Variants in DRAM2 observed in about 807,000 individuals in gnomAD.
DRAM2 encodes the protein DNA damage regulated autophagy modulator 2, also known as DNA damage-regulated autophagy modulator protein 2.
Under a neutral mutation model 33.5 loss-of-function variants are expected in DRAM2, and 26 were observed. The ratio of observed to expected loss-of-function variants is 0.78; its 90% CI spans 0.57 to 1.08. The LOEUF (loss-of-function observed/expected upper bound fraction) is 1.08. Among genes scored for constraint, DRAM2 ranks in the 50% least tolerant of loss-of-function variants. The probability of loss-of-function intolerance (pLI) is 0.00; values close to 1 mark genes in which losing one functional copy is unlikely to be tolerated. For missense variants in DRAM2, 311 were observed against 318.1 expected (o/e 0.98, Z 0.17); for synonymous variants, 98 against 109.5 (o/e 0.89, Z 0.66).
intron 4 of DRAM2, among the ~76,000 whole-genome samples, chr1:111,127,508 G>T (rs1220303030): frequency 1.3e-5 from 2 of 151,394 alleles, no homozygotes; most frequent in Non-Finnish European, 2.9e-5. Context: ...AAAAAATAAT[G>T]TATTTGTAAA....
chr1:111,136,188 C>T (rs1477618266), intron 3 of DRAM2, among the ~76,000 whole-genome samples: 1 of 152,180 alleles, frequency 6.6e-6, no homozygotes, highest in African/African-American at 2.4e-5. Flanking sequence ...AAGTATTCCT[C>T]TGCTCAAAAC....
intron 5 of DRAM2, 59 bp from the exon 6 acceptor site, chr1:111,124,940 C>T: frequency 6.6e-7 from 1 of 1,516,966 alleles, no homozygotes; most frequent in Non-Finnish European, 9.0e-7. Flanking sequence ...ATAAAGTTGC[C>T]AATGAAGAGT....
intron 3 of DRAM2, among the ~76,000 whole-genome samples, chr1:111,137,125 C>T (rs1206178639): frequency 1.3e-5 from 2 of 151,556 alleles, no homozygotes; most frequent in South Asian, 2.1e-4. Context: ...AGGTGGTGGG[C>T]GCCTGTAGTC....
intron 4 of DRAM2, among the ~76,000 whole-genome samples, chr1:111,127,463 TAAA>T (rs562239697): frequency 2.1e-5 from 3 of 145,476 alleles, no homozygotes; most frequent in African/African-American, 7.5e-5. Context: ...GTCTTTCTCT[TAAA>T]AAAAAAAAAT....
Position 111,117,559 on chromosome 1 carries a change from G to GA in DRAM2, c.*600dup, listed in dbSNP as rs543844716. On this transcript the variant is annotated 3_prime_UTR_variant, in exon 10 of 10. Coordinates refer to ENST00000484310, the MANE Select transcript of DRAM2 (RefSeq NM_001349884.2). ...AGCTTAGTATCTGGCATTGTGGCCA[G>GA]AAAAAAAAAAATCGTTACCTACAAA... 2.1e-3 allele frequency: 303 copies of GA among 146,562 alleles called. 5 individuals carry two copies. In the South Asian group the frequency reaches 0.038, roughly 19 times the overall value. 9.1% of individuals were successfully genotyped at this position (146,562 alleles called of 1,614,324 possible).
intron 6 of DRAM2, among the ~76,000 whole-genome samples, chr1:111,122,144 T>C (rs1412050273): frequency 6.6e-6 from 1 of 152,190 alleles, no homozygotes; most frequent in Non-Finnish European, 1.5e-5. Context: ...ATTATTTTTT[T>C]CTCTCTTGAA....
At chr1:111,129,693 G>GT (rs1651684350) in intron 4 of DRAM2, among the ~76,000 whole-genome samples, 1 of 152,068 alleles carries the variant, frequency 6.6e-6, no homozygotes, top group African/African-American at 2.4e-5. Flanking sequence ...ATGTAAAGTT[G>GT]TATGTAATGA....
chr1:111,122,333 G>T (rs1238231992), intron 6 of DRAM2, among the ~76,000 whole-genome samples: 1 of 152,194 alleles, frequency 6.6e-6, no homozygotes, highest in Non-Finnish European at 1.5e-5. Flanking sequence ...CAGTAGTTCA[G>T]ATGAGAGATG....
At position 111,117,847 on chromosome 1, in the gene DRAM2, G is replaced by A; in HGVS notation, c.*313C>T. On this transcript the variant is annotated 3_prime_UTR_variant, in exon 10 of 10. Transcript: ENST00000484310. ...TATAAAATGTGAAGGGTTGGGATGTGCAGACTGATTGGTGCACGTCAGGTT... is the reference window on the plus strand; with the variant it reads ...TATAAAATGTGAAGGGTTGGGATGTACAGACTGATTGGTGCACGTCAGGTT... 2 of 299,600 alleles carry A rather than the reference G, an allele frequency of 6.7e-6. No individual in the cohort carries two copies. Among genetic ancestry groups the A allele is most frequent in the South Asian group, 7.5e-5 (2 of 26,816 alleles). 18.6% of individuals were successfully genotyped at this position (299,600 alleles called of 1,614,324 possible).
At chr1:111,130,720 G>A (rs1651902302) in intron 4 of DRAM2, among the ~76,000 whole-genome samples, 1 of 149,684 alleles carries the variant, frequency 6.7e-6, no homozygotes, top group Non-Finnish European at 1.5e-5. Context: ...AAAAGTTTGG[G>A]TGCAGTGGCT....
In DRAM2 at chr1:111,132,741, G is replaced by A. The variant is rs188974587; in HGVS notation, c.-14-1173C>T. The stretch of plus-strand genomic sequence containing the variant: ...CTGTTGCCCAGGCTGGAGTGCAGTG[G>A]TGCAATCACAGCTAACAGCAGCCTT... On this transcript the variant is annotated intron_variant, in intron 3 of 9. Transcript: ENST00000484310. 1.9e-4 allele frequency among the ~76,000 whole-genome samples: 29 copies of A among 150,538 alleles called. No homozygotes were observed. In the East Asian group the frequency reaches 5.1e-3, roughly 26 times the overall value.
chr1:111,127,282 G>C (rs1001763556), intron 4 of DRAM2, among the ~76,000 whole-genome samples: 14 of 152,108 alleles, frequency 9.2e-5, no homozygotes, highest in South Asian at 2.1e-4. Flanking sequence ...ACAGGAAAGA[G>C]ATAATTAGGG....
intron 4 of DRAM2, 79 bp downstream of exon 4, chr1:111,131,345 G>A (rs1296491701): frequency 3.6e-6 from 5 of 1,377,006 alleles, no homozygotes; most frequent in Non-Finnish European, 4.9e-6. Context: ...TTAAAAGGTT[G>A]ACATTAAATG....
At chr1:111,125,028 AC>A in intron 5 of DRAM2, 147 bp from the exon 6 acceptor site, 2 of 778,272 alleles carry the variant, frequency 2.6e-6, no homozygotes, top group East Asian at 5.8e-5. Flanking sequence ...AAAAAAAAAA[AC>A]AAAATAGCTG....
At chr1:111,133,877 C>G (rs1339292150) in intron 3 of DRAM2, among the ~76,000 whole-genome samples, 1 of 152,214 alleles carries the variant, frequency 6.6e-6, no homozygotes, top group East Asian at 1.9e-4. Context: ...CTCAATCTTT[C>G]CAGCTTCAGC....
Position 111,117,946 on chromosome 1 carries a change from T to C in DRAM2, c.*214A>G, listed in dbSNP as rs1420370533. 3 of 552,370 alleles carry C rather than the reference T, an allele frequency of 5.4e-6. No individual in the cohort carries two copies. The highest frequency in any genetic ancestry group is 2.2e-5 in the South Asian group (1 of 44,746). 34.2% of individuals were successfully genotyped at this position (552,370 alleles called of 1,614,324 possible). Reference sequence around the variant, plus strand: ...CTTTATTTTCTGAGATAAAAAAGTATAGGCATAGGTGTTTTTAATAGTCTT... The same window carrying C: ...CTTTATTTTCTGAGATAAAAAAGTACAGGCATAGGTGTTTTTAATAGTCTT... On this transcript the variant is annotated 3_prime_UTR_variant, in exon 10 of 10. Coordinates refer to ENST00000484310, the MANE Select transcript of DRAM2 (RefSeq NM_001349884.2).
At chr1:111,130,507 T>C (rs1037136681) in intron 4 of DRAM2, among the ~76,000 whole-genome samples, 33 of 151,700 alleles carry the variant, frequency 2.2e-4, no homozygotes, top group African/African-American at 6.0e-4. Context: ...AGTTCAAGAC[T>C]AGCCTCACCA....
intron 4 of DRAM2, among the ~76,000 whole-genome samples, chr1:111,126,808 C>T (rs1467121530): frequency 6.6e-6 from 1 of 152,202 alleles, no homozygotes; most frequent in African/African-American, 2.4e-5. Flanking sequence ...ATAGACAAAG[C>T]CCCTGCCCTC....
chr1:111,134,502 T>C (rs1652753184), intron 3 of DRAM2, among the ~76,000 whole-genome samples: 1 of 152,268 alleles, frequency 6.6e-6, no homozygotes, highest in African/African-American at 2.4e-5. Context: ...TCCTTTTTCC[T>C]TGTCAGTCCT....
Sources: allele counts gnomAD v4.1 joint callset (sites outside exome capture counted in the v4.1 genomes callset), GRCh38; gene constraint gnomAD v4.1.1; transcripts MANE v1.5; gene names NCBI Gene and HGNC (gene_info 2026-07-23, HGNC 2026-07-21).